Variants in LUZP2 observed in about 807,000 individuals in gnomAD.
LUZP2 encodes leucine zipper protein 2.
LUZP2 carries 52 observed loss-of-function variants against 51.6 expected under a neutral mutation model. The ratio of observed to expected loss-of-function variants is 1.01; its 90% CI spans 0.81 to 1.27. The LOEUF is 1.27. Among genes scored for constraint, LUZP2 ranks in the 50% most tolerant of loss-of-function variants. The pLI is 0.00. For missense variants in LUZP2, 436 were observed against 395.4 expected (o/e 1.10, Z -0.87); for synonymous variants, 154 against 137.3 (o/e 1.12, Z -0.85).
intron 9 of LUZP2, among the ~76,000 whole-genome samples, chr11:25,042,101 A>G (rs1858081814): frequency 6.6e-6 from 1 of 152,178 alleles, no homozygotes; most frequent in South Asian, 2.1e-4. Context: ...ACTGCAAGGA[A>G]AAAACTTCAT....
chr11:24,725,803 T>A (rs188592001), intron 1 of LUZP2, among the ~76,000 whole-genome samples: 1 of 152,184 alleles, frequency 6.6e-6, no homozygotes, highest in African/African-American at 2.4e-5. Flanking sequence ...TTTGCAGAGG[T>A]AATAAAGTTA....
intron 1 of LUZP2, among the ~76,000 whole-genome samples, chr11:24,699,978 T>A (rs535378204): frequency 2.8e-4 from 43 of 151,518 alleles, no homozygotes; most frequent in South Asian, 1.0e-3. Flanking sequence ...GGAACAATTT[T>A]ACTTTTCAAA....
intron 1 of LUZP2, among the ~76,000 whole-genome samples, chr11:24,661,811 C>G (rs1200344299): frequency 1.3e-5 from 2 of 152,028 alleles, no homozygotes; most frequent in Non-Finnish European, 2.9e-5. Context: ...TTATACTGTT[C>G]TGTTGACTTT....
chr11:24,742,924 T>C, intron 4 of LUZP2, among the ~76,000 whole-genome samples: 1 of 152,138 alleles, frequency 6.6e-6, no homozygotes, highest in East Asian at 1.9e-4. Context: ...TAGCCAATTA[T>C]CCCAGCACCA....
chr11:24,554,864 C>G (rs1043093560), intron 1 of LUZP2, among the ~76,000 whole-genome samples: 2 of 151,980 alleles, frequency 1.3e-5, no homozygotes, highest in Non-Finnish European at 2.9e-5. Flanking sequence ...TGGGAAGATG[C>G]AACTTTGCAA....
intron 1 of LUZP2, among the ~76,000 whole-genome samples, chr11:24,546,238 T>A (rs1320546452): frequency 1.3e-5 from 2 of 152,120 alleles, no homozygotes; most frequent in African/African-American, 4.8e-5. Flanking sequence ...TAAGGATAGT[T>A]TGACTTCTTC....
rs748141394 is a variant in LUZP2 at position 24,720,689 on chromosome 11, T to TG, written c.63-8480_63-8479insG. Reference sequence around the variant, plus strand: ...GTATGGATCAAATTCAGACCTGTTCTTTTGTTTGTTTGTTTTGTTTTGTTT... The same window carrying TG: ...GTATGGATCAAATTCAGACCTGTTCTGTTTGTTTGTTTGTTTTGTTTTGTTT... On this transcript the variant is annotated intron_variant, in intron 1 of 11. Coordinates refer to ENST00000336930, the MANE Select transcript of LUZP2 (RefSeq NM_001009909.4). 5.0e-3 allele frequency among the ~76,000 whole-genome samples: 340 copies of TG among 68,322 alleles called. 2 individuals are homozygous for TG. Among genetic ancestry groups the TG allele is most frequent in the Middle Eastern group, 0.023 (3 of 132 alleles). The allele number at this position is 68,322 out of a possible 152,430, so 44.8% of individuals were successfully genotyped here.
intron 5 of LUZP2, among the ~76,000 whole-genome samples, chr11:24,772,024 T>C (rs1187975246): frequency 1.3e-5 from 2 of 152,172 alleles, no homozygotes; most frequent in African/African-American, 4.8e-5. Flanking sequence ...CAATTCCTAA[T>C]TAGCAATATT....
rs754612346 is a variant in LUZP2 at position 24,507,515 on chromosome 11, A to G, written c.62+10210A>G. Among the ~76,000 whole-genome samples, 3 of 152,232 alleles carry G rather than the reference A, an allele frequency of 2.0e-5. No homozygotes were observed. In the South Asian group the frequency reaches 6.2e-4, roughly 32 times the overall value. On this transcript the variant is annotated intron_variant, in intron 1 of 11. Coordinates refer to ENST00000336930, the MANE Select transcript of LUZP2 (RefSeq NM_001009909.4). ...CTTTAAAGGGCTGAGAAAATGCTCA[A>G]ATAAATTGTGTAAAATATTTACATG...
At chr11:24,946,816 C>T (rs1854913685) in intron 7 of LUZP2, among the ~76,000 whole-genome samples, 4 of 151,852 alleles carry the variant, frequency 2.6e-5, no homozygotes, top group Admixed American at 1.3e-4. Flanking sequence ...CATTTTGTTA[C>T]TCCAATTTAG....
In LUZP2 at chr11:25,040,343, A is replaced by ATTTTTTTTTTTTTTTTTTTT. The variant is rs57668112; in HGVS notation, c.766-9694_766-9675dup. ...AGAGAGCCACTTTTCTTTCTTTCCGATTTTTTTTTTTTTTTTTTTTGCCAA... is the reference window on the plus strand; with the variant it reads ...AGAGAGCCACTTTTCTTTCTTTCCGATTTTTTTTTTTTTTTTTTTTTTTTTTTTTTTTTTTTTTTTGCCAA... On this transcript the variant is annotated intron_variant, in intron 9 of 11. Transcript: ENST00000336930. Among the ~76,000 whole-genome samples, 37 of 98,818 alleles carry ATTTTTTTTTTTTTTTTTTTT rather than the reference A, an allele frequency of 3.7e-4. 5 individuals are homozygous for ATTTTTTTTTTTTTTTTTTTT. The highest frequency in any genetic ancestry group is 1.6e-3 in the African/African-American group (28 of 17,196). The allele number at this position is 98,818 out of a possible 152,430, so 64.8% of individuals were successfully genotyped here.
chr11:24,920,707 T>C (rs77409188), intron 7 of LUZP2, among the ~76,000 whole-genome samples: 3 of 150,648 alleles, frequency 2.0e-5, no homozygotes, highest in Non-Finnish European at 4.4e-5. Flanking sequence ...AAAAAAAACC[T>C]GCATGTTCTC....
chr11:24,990,625 C>G (rs1435219858), intron 9 of LUZP2, among the ~76,000 whole-genome samples: 1 of 152,056 alleles, frequency 6.6e-6, no homozygotes, highest in African/African-American at 2.4e-5. Context: ...TCCATTAAAA[C>G]AGCAACTGGT....
At chr11:24,739,267 T>C (rs1859050122) in intron 4 of LUZP2, among the ~76,000 whole-genome samples, 2 of 151,882 alleles carry the variant, frequency 1.3e-5, no homozygotes, top group Admixed American at 6.6e-5. Flanking sequence ...ATTGGCCAGT[T>C]TGAGTGATTT....
chr11:25,014,330 C>G (rs947387760), intron 9 of LUZP2, among the ~76,000 whole-genome samples: 1 of 152,336 alleles, frequency 6.6e-6, no homozygotes, highest in Admixed American at 6.5e-5. Context: ...ACCACACTGT[C>G]TTCCACAATG....
chr11:24,610,222 T>C (rs1489045830), intron 1 of LUZP2, among the ~76,000 whole-genome samples: 1 of 152,258 alleles, frequency 6.6e-6, no homozygotes, highest in Non-Finnish European at 1.5e-5. Context: ...GAGACACAAA[T>C]AGTGACATTC....
At chr11:25,015,713 C>A (rs1398285169) in intron 9 of LUZP2, among the ~76,000 whole-genome samples, 1 of 151,848 alleles carries the variant, frequency 6.6e-6, no homozygotes, top group Non-Finnish European at 1.5e-5. Context: ...TACATGTATT[C>A]CTAAATGGAG....
intron 7 of LUZP2, among the ~76,000 whole-genome samples, chr11:24,927,141 G>C (rs1189005947): frequency 6.6e-6 from 1 of 150,404 alleles, no homozygotes; most frequent in Non-Finnish European, 1.5e-5. Flanking sequence ...GTTCCTCATA[G>C]ATTCTGGATA....
intron 9 of LUZP2, among the ~76,000 whole-genome samples, chr11:25,048,980 T>C (rs574603464): frequency 6.6e-6 from 1 of 152,288 alleles, no homozygotes; most frequent in African/African-American, 2.4e-5. Context: ...ACATTTAATA[T>C]TCTATCAGCT....
Sources: gnomAD v4.1 joint callset for allele counts (sites outside exome capture counted in the v4.1 genomes callset) on GRCh38, gnomAD v4.1.1 for gene constraint, MANE v1.5 for transcripts, NCBI Gene and HGNC (gene_info 2026-07-23, HGNC 2026-07-21) for gene names.